The following IL22RA2 variants were observed in gnomAD, a reference collection of about 807,000 sequenced individuals.
IL22RA2 encodes interleukin-22 receptor subunit alpha-2.
IL22RA2 carries 39 observed loss-of-function variants against 30.7 expected under a neutral mutation model. That is an observed-to-expected ratio of 1.27 (90% CI 0.98 to 1.66). The LOEUF (loss-of-function observed/expected upper bound fraction) is 1.66, where lower values mean the gene tolerates loss of function less well. IL22RA2 is among the 40% of genes most tolerant of loss of function. IL22RA2 has a pLI of 0.00. For synonymous variants in IL22RA2, 103 were observed against 105.0 expected (o/e 0.98, Z 0.11); for missense variants, 315 against 312.7 (o/e 1.01, Z -0.05).
chr6:137,169,092 G>A (rs1478975273), intron 1 of IL22RA2, among the ~76,000 whole-genome samples: 1 of 152,198 alleles, frequency 6.6e-6, no homozygotes, highest in Non-Finnish European at 1.5e-5. Context: ...GCCTGAATTT[G>A]TTACAAAATT....
At position 137,154,620 on chromosome 6, in the gene IL22RA2, A is replaced by ACACAC. The variant is rs1562269859; in HGVS notation, c.472+320_472+321insGTGTG. Reference sequence around the variant, plus strand: ...ACAAAGCGAGACCCTGTCACACACAAACACACACACACACACACACACACA... The same window carrying ACACAC: ...ACAAAGCGAGACCCTGTCACACACAACACACACACACACACACACACACACACACA... On this transcript the variant is annotated intron_variant, in intron 5 of 6. Transcript: ENST00000296980. Among the ~76,000 whole-genome samples, 152 of 148,514 alleles carry ACACAC rather than the reference A, an allele frequency of 1.0e-3. 2 individuals carry two copies. The South Asian group carries it at 0.019, about 18-fold the overall frequency.
chr6:137,152,498 A>G (rs188751649), intron 5 of IL22RA2, among the ~76,000 whole-genome samples: 1 of 152,226 alleles, frequency 6.6e-6, no homozygotes, highest in Non-Finnish European at 1.5e-5. Context: ...TATCTAGAAC[A>G]GGGAACTCTA....
chr6:137,149,392 C>T (rs1457443238), intron 5 of IL22RA2, among the ~76,000 whole-genome samples: 1 of 152,188 alleles, frequency 6.6e-6, no homozygotes, highest in Non-Finnish European at 1.5e-5. Flanking sequence ...TTGCATCCCA[C>T]CAAACTGGTC....
chr6:137,162,251 A>G (rs184634428), intron 1 of IL22RA2, among the ~76,000 whole-genome samples: 36 of 152,310 alleles, frequency 2.4e-4, no homozygotes, highest in Non-Finnish European at 4.1e-4. Flanking sequence ...GGTTCAAAGC[A>G]AGAGGGGTCT....
intron 1 of IL22RA2, among the ~76,000 whole-genome samples, chr6:137,167,164 G>T (rs1344108441): frequency 1.3e-5 from 2 of 152,188 alleles, no homozygotes; most frequent in Non-Finnish European, 2.9e-5. Flanking sequence ...TAGTACAACA[G>T]CTAACACAGA....
intron 1 of IL22RA2, among the ~76,000 whole-genome samples, chr6:137,173,038 A>G (rs1778774655): frequency 6.6e-6 from 1 of 152,198 alleles, no homozygotes; most frequent in Admixed American, 6.5e-5. Context: ...GTATGTACTT[A>G]AAATTGTTCA....
chr6:137,148,945 G>A (rs559804965), intron 5 of IL22RA2, among the ~76,000 whole-genome samples: 1 of 152,246 alleles, frequency 6.6e-6, no homozygotes, highest in African/African-American at 2.4e-5. Flanking sequence ...CAAGTTTCTT[G>A]ACCCATTCAC....
Position 137,161,148 on chromosome 6 carries a change from C to A in IL22RA2, c.61+541G>T, listed in dbSNP as rs9385785. Among the ~76,000 whole-genome samples the A allele has an allele frequency of 0.015, 2,282 of 152,334 alleles. 197 individuals are homozygous for A. In the South Asian group the frequency reaches 0.26, roughly 17 times the overall value. On this transcript the variant is annotated intron_variant, in intron 2 of 6. Coordinates refer to ENST00000296980, the MANE Select transcript of IL22RA2 (RefSeq NM_052962.3). ...ATCCTGTGCCAGGCACTTCTCTAAG[C>A]ATTTGGCATATATTAATTGATTTAA...
chr6:137,163,457 C>A (rs948381142), intron 1 of IL22RA2, among the ~76,000 whole-genome samples: 10 of 152,132 alleles, frequency 6.6e-5, no homozygotes, highest in Middle Eastern at 3.2e-3. Context: ...AATCTGGGGT[C>A]CTTGGTGCCA....
chr6:137,144,142 A>G lies in IL22RA2; in HGVS notation c.*1482T>C, dbSNP rs1778127290. 6.6e-6 allele frequency: 1 copy of G among 152,328 alleles called. No individual in the cohort carries two copies. The highest frequency in any genetic ancestry group is 6.5e-5 in the Admixed American group (1 of 15,286). The allele number at this position is 152,328 out of a possible 1,614,324, so 9.4% of individuals were successfully genotyped here. The stretch of plus-strand genomic sequence containing the variant: ...CCTCTCCACAAAAGGACAAAAGGCA[A>G]AAAAGGTAGTAAGCAAAATATAAAT... On this transcript the variant is annotated 3_prime_UTR_variant, in exon 7 of 7. Coordinates refer to ENST00000296980, the MANE Select transcript of IL22RA2 (RefSeq NM_052962.3).
chr6:137,160,206 T>G lies in IL22RA2; in HGVS notation c.61+1483A>C, dbSNP rs561391949. On this transcript the variant is annotated intron_variant, in intron 2 of 6. Coordinates refer to ENST00000296980, the MANE Select transcript of IL22RA2 (RefSeq NM_052962.3). ...GCTAACATGAAGATAGATGGCTTAA[T>G]GCCCTTAATCTCTCTGTCTATGGAT... Among the ~76,000 whole-genome samples the G allele has an allele frequency of 9.6e-4, 147 of 152,388 alleles. 2 individuals are homozygous for G. In the South Asian group the frequency reaches 0.028, roughly 29 times the overall value.
intron 5 of IL22RA2, among the ~76,000 whole-genome samples, chr6:137,152,944 C>T (rs184561096): frequency 3.0e-4 from 45 of 152,206 alleles, no homozygotes; most frequent in African/African-American, 1.1e-3. Context: ...TGCCATATTC[C>T]AGGGGCTCTC....
intron 3 of IL22RA2, among the ~76,000 whole-genome samples, chr6:137,157,365 C>T (rs1778426735): frequency 6.6e-6 from 1 of 152,132 alleles, no homozygotes; most frequent in Non-Finnish European, 1.5e-5. Flanking sequence ...CACAAATCTA[C>T]TTTTGTAATG....
rs116541225 is a variant in IL22RA2 at position 137,147,073 on chromosome 6, G to A, written c.642+649C>T. Among the ~76,000 whole-genome samples the A allele has an allele frequency of 7.1e-3, 1,073 of 151,546 alleles. 24 individuals are homozygous for A. Among genetic ancestry groups the A allele is most frequent in the African/African-American group, 0.024 (994 of 41,288 alleles). On this transcript the variant is annotated intron_variant, in intron 6 of 6. Coordinates refer to ENST00000296980, the MANE Select transcript of IL22RA2 (RefSeq NM_052962.3). ...CTATTTTAAAATAAGGTGTGAGGCC[G>A]GGGAGGTGGCTTATGCCTGCAATCC...
intron 2 of IL22RA2, among the ~76,000 whole-genome samples, chr6:137,159,882 G>A (rs1024028925): frequency 6.6e-6 from 1 of 152,192 alleles, no homozygotes; most frequent in Admixed American, 6.5e-5. Context: ...CATGGTCTCA[G>A]CTCTGAACTT....
chr6:137,145,916 A>G, intron 6 of IL22RA2, 143 bp from the exon 7 acceptor site: 1 of 878,064 alleles, frequency 1.1e-6, no homozygotes, highest in South Asian at 1.6e-5. Flanking sequence ...CTTCTTTTCT[A>G]GAGTCCTAGG....
Position 137,151,249 on chromosome 6 carries a change from GT to G in IL22RA2, c.473-3359del, listed in dbSNP as rs1206884032. On this transcript the variant is annotated intron_variant, in intron 5 of 6. Transcript: ENST00000296980. The stretch of plus-strand genomic sequence containing the variant: ...ATAGCTCAATAGAATAGAATTGAGA[GT>G]CTGGAAATAAACTACACGTCTATGG... 2.0e-5 allele frequency among the ~76,000 whole-genome samples: 3 copies of G among 152,226 alleles called. No homozygotes were observed. The East Asian group carries it at 5.8e-4, about 29-fold the overall frequency.
chr6:137,161,404 G>A (rs1024615589), intron 2 of IL22RA2, among the ~76,000 whole-genome samples: 1 of 152,096 alleles, frequency 6.6e-6, no homozygotes, highest in Admixed American at 6.6e-5. Context: ...AAGAAAGAGG[G>A]AGGGAGGGAA....
intron 5 of IL22RA2, among the ~76,000 whole-genome samples, chr6:137,149,043 C>A (rs1446779464): frequency 6.6e-6 from 1 of 152,164 alleles, no homozygotes; most frequent in Non-Finnish European, 1.5e-5. Context: ...TGAAATATTA[C>A]CTTCCCGCAC....
Sources: gnomAD v4.1 joint callset for allele counts (sites outside exome capture counted in the v4.1 genomes callset) on GRCh38, gnomAD v4.1.1 for gene constraint, MANE v1.5 for transcripts, NCBI Gene and HGNC (gene_info 2026-07-23, HGNC 2026-07-21) for gene names.